The following PCDHA7 variants were observed in gnomAD, a reference collection of about 807,000 sequenced individuals.
The protein encoded by PCDHA7 is protocadherin alpha 7.
Under a neutral mutation model 57.2 loss-of-function variants are expected in PCDHA7, and 37 were observed. That is an observed-to-expected ratio of 0.65 (90% CI 0.50 to 0.85). The LOEUF (loss-of-function observed/expected upper bound fraction) is 0.85. Among genes scored for constraint, PCDHA7 ranks in the 40% least tolerant of loss-of-function variants. The pLI is 0.00. For synonymous variants in PCDHA7, 553 were observed against 558.8 expected (o/e 0.99, Z 0.15); for missense variants, 1,188 against 1,241.8 (o/e 0.96, Z 0.65).
intron 3 of PCDHA7, among the ~76,000 whole-genome samples, chr5:141,004,794 G>A (rs1272334301): frequency 6.6e-6 from 1 of 152,144 alleles, no homozygotes; most frequent in Non-Finnish European, 1.5e-5. Context: ...GGCAGATTCT[G>A]GCTGAGCTCA....
At chr5:140,967,072 C>T in intron 1 of PCDHA7, 1 of 1,613,106 alleles carries the variant, frequency 6.2e-7, no homozygotes, top group Non-Finnish European at 8.5e-7. Flanking sequence ...TCTTCGTCAA[C>T]GAGCGCATTG....
intron 1 of PCDHA7, chr5:140,883,703 G>C: frequency 6.2e-7 from 1 of 1,613,802 alleles, no homozygotes; most frequent in Non-Finnish European, 8.5e-7. Context: ...CACGGTGTCT[G>C]CTCAGGACGC....
intron 1 of PCDHA7, among the ~76,000 whole-genome samples, chr5:140,956,666 G>T (rs1232573740): frequency 6.6e-6 from 1 of 152,088 alleles, no homozygotes; most frequent in African/African-American, 2.4e-5. Flanking sequence ...GGCCTTAAAG[G>T]AGTTAGGGAG....
chr5:140,968,719 G>C lies in PCDHA7; in HGVS notation c.2356-10230G>C. The C allele has an allele frequency of 1.9e-6, 3 of 1,614,148 alleles. No homozygotes were observed. Among genetic ancestry groups the C allele is most frequent in the African/African-American group, 1.3e-5 (1 of 75,038 alleles). ...GGACTACCAGGAAGATGGGAGATGA[G>C]AGTGGTAGCACTTTCAACCTGACCG... On this transcript the variant is annotated intron_variant, in intron 1 of 3. Transcript: ENST00000525929.
intron 1 of PCDHA7, chr5:140,855,848 A>G: frequency 1.5e-6 from 1 of 662,286 alleles, no homozygotes; most frequent in South Asian, 2.3e-5. Context: ...ACCTAAAGCC[A>G]CCGGATGTCG....
At chr5:140,877,729 C>G (rs1554170045) in intron 1 of PCDHA7, 2 of 1,614,168 alleles carry the variant, frequency 1.2e-6, no homozygotes, top group South Asian at 2.2e-5. Context: ...TTACTCGCAG[C>G]AGAGGAGGCA....
intron 1 of PCDHA7, chr5:140,851,252 G>A: frequency 9.2e-7 from 1 of 1,089,164 alleles, no homozygotes; most frequent in Non-Finnish European, 1.2e-6. Flanking sequence ...ATGATGCATA[G>A]TATTTTAGTC....
At chr5:140,851,804 A>G (rs2042163205) in intron 1 of PCDHA7, 6 of 945,718 alleles carry the variant, frequency 6.3e-6, no homozygotes, top group Non-Finnish European at 7.7e-6. Context: ...TCTGTCAGTA[A>G]TCCATAAGAC....
chr5:140,893,817 C>T (rs951661016), intron 1 of PCDHA7, among the ~76,000 whole-genome samples: 73 of 152,098 alleles, frequency 4.8e-4, no homozygotes, highest in African/African-American at 1.7e-3. Context: ...AGTCTGGTAC[C>T]GTAGACTACT....
At position 140,863,948 on chromosome 5, in the gene PCDHA7, C is replaced by T. The variant is rs782241873; in HGVS notation, c.2355+27210C>T. On this transcript the variant is annotated intron_variant, in intron 1 of 3. Transcript: ENST00000525929. ...CCTAGGAGGCAGAGGTTGCGGTGAG[C>T]CTAGATTAGGCCACTGCACTACAGC... is the stretch of plus-strand genomic sequence containing the variant. 1.5e-3 allele frequency: 237 copies of T among 158,844 alleles called. 8 individuals carry two copies. The highest frequency in any genetic ancestry group is 2.3e-3 in the Admixed American group (40 of 17,122). 9.8% of individuals were successfully genotyped at this position (158,844 alleles called of 1,614,324 possible). A position where few individuals can be genotyped will look rare whatever the true frequency, so the allele number is the denominator to read the frequency against.
rs1554217734 is a variant in PCDHA7, at chr5:140,946,611, A to AATATATATATATATAT, written c.2356-32332_2356-32317dup. Among the ~76,000 whole-genome samples, 269 of 86,770 alleles carry AATATATATATATATAT rather than the reference A, an allele frequency of 3.1e-3. 3 individuals carry two copies. The highest frequency in any genetic ancestry group is 0.011 in the Middle Eastern group (2 of 186). 56.9% of individuals were successfully genotyped at this position (86,770 alleles called of 152,430 possible). A position where few individuals can be genotyped will look rare whatever the true frequency, so the allele number is the denominator to read the frequency against. On this transcript the variant is annotated intron_variant, in intron 1 of 3. Coordinates refer to ENST00000525929, the MANE Select transcript of PCDHA7 (RefSeq NM_018910.3). ...GGATGAATAGATAAAGAAAATGTGAAATATATATATATATATATATACAAT... is the reference window on the plus strand; with the variant it reads ...GGATGAATAGATAAAGAAAATGTGAAATATATATATATATATATATATATATATATATATATACAAT...
At chr5:140,915,826 T>G (rs1432367192) in intron 1 of PCDHA7, among the ~76,000 whole-genome samples, 1 of 152,134 alleles carries the variant, frequency 6.6e-6, no homozygotes, top group Non-Finnish European at 1.5e-5. Context: ...GCCCTAGGGC[T>G]CTAAGATCAG....
chr5:140,979,949 A>G (rs1554241287), intron 2 of PCDHA7, among the ~76,000 whole-genome samples: 2 of 152,248 alleles, frequency 1.3e-5, no homozygotes, highest in African/African-American at 4.8e-5. Context: ...TTAATGTGAA[A>G]TTAGTTTTAG....
intron 1 of PCDHA7, chr5:140,883,519 C>A: frequency 6.2e-7 from 1 of 1,614,190 alleles, no homozygotes; most frequent in Non-Finnish European, 8.5e-7. Flanking sequence ...ACCGCGAGAG[C>A]GTATCAGCCT....
At chr5:140,857,067 T>G (rs1245365064) in intron 1 of PCDHA7, 2 of 1,596,142 alleles carry the variant, frequency 1.3e-6, no homozygotes, top group East Asian at 2.2e-5. Context: ...GTGGAACTAC[T>G]GGATGAAAAT....
At chr5:140,925,671 A>AATAATAATAATAATG (rs1445697337) in intron 1 of PCDHA7, among the ~76,000 whole-genome samples, 106 of 148,180 alleles carry the variant, frequency 7.2e-4, no homozygotes, top group African/African-American at 2.6e-3. Context: ...TAATAATAAT[A>AATAATAATAATAATG]ATAATAAAGC....
At chr5:140,857,006 G>A (rs1365266931) in intron 1 of PCDHA7, 2 of 1,595,206 alleles carry the variant, frequency 1.3e-6, no homozygotes, top group East Asian at 2.2e-5. Flanking sequence ...AATTCATGTA[G>A]ATGTTACAGA....
In PCDHA7 at chr5:140,836,311, C is replaced by T. The variant is rs1774359365; in HGVS notation, c.1928C>T (p.Pro643Leu). Residue 643 changes from proline to leucine, a missense_variant, in exon 1 of 4, where the codon CCG becomes CTG. Around this residue, in one of 3 missense-constraint regions of PCDHA7, gnomAD observed 892 missense variants for 788.5 expected, o/e 1.13. Coordinates refer to ENST00000525929, the MANE Select transcript of PCDHA7 (RefSeq NM_018910.3). ...TTRALDETDA[P>L]RHRLLVLVKD... ...CGAGCCCTAGATGAGACGGACGCAC[C>T]GCGCCACCGCCTTCTGGTGCTTGTG... 2.5e-6 allele frequency: 4 copies of T among 1,613,662 alleles called. No individual in the cohort carries two copies. The highest frequency in any genetic ancestry group is 3.3e-5 in the Admixed American group (2 of 60,020).
At chr5:140,967,809 A>G in intron 1 of PCDHA7, 1 of 1,614,190 alleles carries the variant, frequency 6.2e-7, no homozygotes. Flanking sequence ...ATGGCAGGTC[A>G]CTGCAAGGTG....
Sources: allele counts gnomAD v4.1 joint callset (sites outside exome capture counted in the v4.1 genomes callset), GRCh38; gene constraint gnomAD v4.1.1; regional missense constraint gnomAD v4.1.1; transcripts MANE v1.5; gene names NCBI Gene and HGNC (gene_info 2026-07-23, HGNC 2026-07-21).